The following CCDC146 variants were observed in gnomAD, a reference collection of about 807,000 sequenced individuals.
CCDC146 encodes coiled-coil domain containing 146.
CCDC146 carries 92 observed loss-of-function variants against 119.3 expected under a neutral mutation model. The observed-to-expected ratio is 0.77, with a 90% CI of 0.65 to 0.92. The LOEUF (loss-of-function observed/expected upper bound fraction) is 0.92, where lower values mean the gene tolerates loss of function less well. Ranked by LOEUF, CCDC146 falls within the 40% of genes least tolerant of loss-of-function variation. The pLI, the probability that CCDC146 is intolerant of heterozygous loss-of-function variation, is 0.00. For synonymous variants in CCDC146, 372 were observed against 371.8 expected (o/e 1.00, Z -0.01); for missense variants, 1,000 against 1,103.0 (o/e 0.91, Z 1.32).
At chr7:77,280,053 C>T (rs936862173) in intron 13 of CCDC146, among the ~76,000 whole-genome samples, 11 of 152,170 alleles carry the variant, frequency 7.2e-5, no homozygotes, top group African/African-American at 2.7e-4. Context: ...ATTGTGGCCA[C>T]AGGCTGAGTC....
rs200706367 is a variant in CCDC146 at position 77,211,603 on chromosome 7, T to TTA, written c.157-25343_157-25342insAT. Among the ~76,000 whole-genome samples, 14 of 151,874 alleles carry TTA rather than the reference T, an allele frequency of 9.2e-5. No individual in the cohort carries two copies. In the East Asian group the frequency reaches 1.2e-3, roughly 13 times the overall value. On this transcript the variant is annotated intron_variant, in intron 2 of 18. Transcript: ENST00000285871. ...GTTTGTGCTGCTTCTATTTTATTTT[T>TTA]TTTATTTTTATTTATTTATTTATTT...
chr7:77,271,979 GGAGCTGAGCATGA>G (rs1793533017), intron 9 of CCDC146, among the ~76,000 whole-genome samples: 1 of 152,030 alleles, frequency 6.6e-6, no homozygotes, highest in Admixed American at 6.6e-5. Context: ...CCGACACCCG[GGAGCTGAGCATGA>G]GGACAGCCCA....
intron 4 of CCDC146, among the ~76,000 whole-genome samples, chr7:77,251,457 C>T (rs1026720925): frequency 6.6e-6 from 1 of 152,178 alleles, no homozygotes; most frequent in Non-Finnish European, 1.5e-5. Context: ...TCACACATCC[C>T]TGCCATATCT....
intron 9 of CCDC146, among the ~76,000 whole-genome samples, chr7:77,271,656 C>T (rs1394173717): frequency 2.0e-5 from 3 of 149,464 alleles, no homozygotes; most frequent in African/African-American, 7.4e-5. Flanking sequence ...GCTCTGCTAC[C>T]AATGGCTTAT....
chr7:77,195,030 GT>G (rs2150428819), intron 2 of CCDC146: 1 of 152,154 alleles, frequency 6.6e-6, no homozygotes, highest in South Asian at 2.1e-4. Flanking sequence ...CAAAATTCAT[GT>G]TTTCTATCTG....
At chr7:77,233,973 C>A (rs1435570159) in intron 2 of CCDC146, among the ~76,000 whole-genome samples, 2 of 150,484 alleles carry the variant, frequency 1.3e-5, no homozygotes, top group Admixed American at 6.6e-5. Flanking sequence ...ATGTTATATT[C>A]ATTTCTGTTT....
At chr7:77,252,928 A>T (rs966216152) in intron 4 of CCDC146, among the ~76,000 whole-genome samples, 4 of 152,218 alleles carry the variant, frequency 2.6e-5, no homozygotes, top group Admixed American at 6.5e-5. Flanking sequence ...TGGGCAAATT[A>T]GTCCAATGGC....
intron 17 of CCDC146, among the ~76,000 whole-genome samples, chr7:77,292,611 A>C (rs59552475): frequency 0.24 from 34,089 of 143,072 alleles, 4,818 homozygotes; most frequent in African/African-American, 0.38. Context: ...AGCGAGACTC[A>C]GTCTCAAAAA....
At chr7:77,240,959 G>T (rs6975935) in intron 3 of CCDC146, among the ~76,000 whole-genome samples, 7,484 of 143,082 alleles carry the variant, frequency 0.052, 485 homozygotes, top group African/African-American at 0.15. Flanking sequence ...TTTAAATCAC[G>T]TTGACATTTT....
chr7:77,273,813 C>G, intron 10 of CCDC146, 24 bp downstream of exon 10: 1 of 1,469,090 alleles, frequency 6.8e-7, no homozygotes, highest in East Asian at 2.3e-5. Flanking sequence ...CTCATTTAAG[C>G]TTCTATCTAA....
At chr7:77,194,875 A>T (rs944005012) in intron 2 of CCDC146, 1 of 152,172 alleles carries the variant, frequency 6.6e-6, no homozygotes, top group East Asian at 1.9e-4. Context: ...AATATTATAT[A>T]TAGCATTCCA....
intron 5 of CCDC146, chr7:77,255,183 C>T (rs1242657037): frequency 6.6e-6 from 1 of 152,138 alleles, no homozygotes; most frequent in Non-Finnish European, 1.5e-5. Flanking sequence ...ATATGTAAGA[C>T]CTTTTTGGGC....
chr7:77,198,486 G>T (rs1006565274), intron 2 of CCDC146: 6 of 169,394 alleles, frequency 3.5e-5, no homozygotes, highest in Non-Finnish European at 7.2e-5. Context: ...ATTTATTAAA[G>T]TTAATTCAAG....
At chr7:77,241,960 T>A in intron 4 of CCDC146, 60 bp downstream of exon 4, 1 of 1,341,594 alleles carries the variant, frequency 7.5e-7, no homozygotes, top group Non-Finnish European at 1.1e-6. Flanking sequence ...TAGAAAAAAA[T>A]CAGATTAAGT....
At position 77,280,510 on chromosome 7, in the gene CCDC146, A is replaced by G. The variant is rs372520902; in HGVS notation, c.1776A>G (p.Val592=). ...TGCAAAACGATGTGCGCAAAATTGT[A>G]TCAAAACTTCAGGAAATGAAAGAAA... The part of the protein sequence containing the change: ...ESMQNDVRKI[V]SKLQEMKEKK... Residue 592 remains valine (V), a synonymous_variant, in exon 14 of 19, where the codon GTA becomes GTG. Transcript: ENST00000285871. The G allele has an allele frequency of 9.3e-6, 15 of 1,614,116 alleles. No individual in the cohort carries two copies. The highest frequency in any genetic ancestry group is 1.3e-5 in the Non-Finnish European group (15 of 1,180,048).
At position 77,129,324 on chromosome 7, in the gene CCDC146, C is replaced by G. The variant is rs1790750473; in HGVS notation, c.-12+6592C>G. On this transcript the variant is annotated intron_variant, in intron 1 of 18. Transcript: ENST00000285871. Reference sequence around the variant, plus strand: ...TATCTCAGTGCTCGTATTCAAGTAACCCTTATTTTACTTAATAATGGCTCC... The same window carrying G: ...TATCTCAGTGCTCGTATTCAAGTAAGCCTTATTTTACTTAATAATGGCTCC... Among the ~76,000 whole-genome samples, 4 of 152,008 alleles carry G rather than the reference C, an allele frequency of 2.6e-5. No homozygotes were observed. In the South Asian group the frequency reaches 8.3e-4, roughly 32 times the overall value.
Position 77,273,740 on chromosome 7 carries a change from G to A in CCDC146, c.1220G>A (p.Arg407Gln), listed in dbSNP as rs757394526. The A allele has an allele frequency of 1.2e-5, 19 of 1,610,278 alleles. No homozygotes were observed. The highest frequency in any genetic ancestry group is 4.4e-5 in the South Asian group (4 of 90,644). The change falls in exon 10 of 19, where the codon CGA (arginine) becomes CAA (glutamine). Residue 407 changes from arginine (R) to glutamine (Q), a missense_variant. Transcript: ENST00000285871. Reference sequence around the variant, plus strand: ...GATTCTACATTATCTGAGAGAAGGCGAGAGCTTCACAAGGAAGTTGAAGTA... The same window carrying A: ...GATTCTACATTATCTGAGAGAAGGCAAGAGCTTCACAAGGAAGTTGAAGTA... ...KDDSTLSERR[R>Q]ELHKEVEVAK...
intron 1 of CCDC146, among the ~76,000 whole-genome samples, chr7:77,158,798 G>A (rs891258494): frequency 6.6e-6 from 1 of 152,162 alleles, no homozygotes; most frequent in Non-Finnish European, 1.5e-5. Context: ...GATTACAGGC[G>A]TAAACCACTG....
intron 4 of CCDC146, among the ~76,000 whole-genome samples, chr7:77,244,375 A>C (rs901059450): frequency 2.0e-5 from 3 of 152,220 alleles, no homozygotes; most frequent in African/African-American, 7.2e-5. Context: ...GTAATGTCCT[A>C]GGTCTTCACA....
Sources: allele counts gnomAD v4.1 joint callset (sites outside exome capture counted in the v4.1 genomes callset), GRCh38; gene constraint gnomAD v4.1.1; transcripts MANE v1.5; gene names NCBI Gene and HGNC (gene_info 2026-07-23, HGNC 2026-07-21).